FRMD8: variants seen among roughly 807,000 people sequenced by gnomAD.
FRMD8 encodes the protein FERM domain containing 8.
A neutral mutation model predicts 54.2 loss-of-function variants in FRMD8; 37 were observed. That is an observed-to-expected ratio of 0.68 (90% CI 0.53 to 0.90). FRMD8 has a LOEUF of 0.90. Ranked by LOEUF, FRMD8 falls within the 40% of genes least tolerant of loss-of-function variation. The pLI is 0.00. For synonymous variants in FRMD8, 246 were observed against 286.9 expected (o/e 0.86, Z 1.44); for missense variants, 585 against 653.7 (o/e 0.89, Z 1.15).
chr11:65,412,438 C>G lies in FRMD8; in HGVS notation c.*1078C>G, dbSNP rs1471562789. ...CCTGGGCCACACGGGACACTCTCTTCTTTATCGAGGACACTTGGAAAGGTG... is the reference window on the plus strand; with the variant it reads ...CCTGGGCCACACGGGACACTCTCTTGTTTATCGAGGACACTTGGAAAGGTG... On this transcript the variant is annotated 3_prime_UTR_variant, in exon 11 of 11. Coordinates refer to ENST00000317568, the MANE Select transcript of FRMD8 (RefSeq NM_031904.5). 4 of 152,300 alleles carry G rather than the reference C, an allele frequency of 2.6e-5. No homozygotes were observed. Among genetic ancestry groups the G allele is most frequent in the Non-Finnish European group, 5.9e-5 (4 of 68,094 alleles). 9.4% of individuals were successfully genotyped at this position (152,300 alleles called of 1,614,324 possible). A position where few individuals can be genotyped will look rare whatever the true frequency, so the allele number is the denominator to read the frequency against.
the FRMD8 span, chr11:65,379,771 T>C: frequency 2.6e-4 from 387 of 1,511,386 alleles, 2 homozygotes; most frequent in Non-Finnish European, 3.9e-5. Flanking sequence ...TCTTCTCTCC[T>C]CCAGGAGCAG....
At chr11:65,385,086 C>T (rs559988643), upstream of FRMD8, among the ~76,000 whole-genome samples, 368 of 152,304 alleles carry the variant, frequency 2.4e-3, 1 homozygote, top group Non-Finnish European at 4.1e-3. Flanking sequence ...CACGTCTCCC[C>T]TCAGTCTCCA....
At chr11:65,376,261 G>T in the FRMD8 span, 2 of 1,033,168 alleles carry the variant, frequency 1.9e-6, no homozygotes, top group East Asian at 5.2e-5. Context: ...TGTCTGCCCA[G>T]CCCAGATCTG....
chr11:65,405,251 T>C (rs1049414726), intron 10 of FRMD8, among the ~76,000 whole-genome samples, 183 bp downstream of exon 10: 2 of 152,244 alleles, frequency 1.3e-5, no homozygotes, highest in African/African-American at 4.8e-5. Flanking sequence ...TTCCTGTCCC[T>C]TCTCACTGCT....
chr11:65,377,251 T>C, the FRMD8 span: 2 of 1,428,834 alleles, frequency 1.4e-6, no homozygotes, highest in African/African-American at 2.9e-5. Flanking sequence ...GATGTCTGCA[T>C]GCGACCGGGA....
chr11:65,376,473 G>A, the FRMD8 span: 4 of 1,614,064 alleles, frequency 2.5e-6, no homozygotes, highest in East Asian at 2.2e-5. Context: ...GAAAGGCGCG[G>A]GCACTGTTGA....
Position 65,400,810 on chromosome 11 carries a change from C to T in FRMD8, c.1014C>T (p.Phe338=), listed in dbSNP as rs2073801. The change falls in exon 9 of 11, where the codon TTC becomes TTT. Residue 338 remains phenylalanine, a synonymous_variant. Transcript: ENST00000317568. This position sits in a 1 kb window ranked among gnomAD's most constrained non-coding sequence, Gnocchi z 4.3. ...AGGAGCCCATCTTGTGGCTGGAGTT[C>T]GACGGGGACAGCGAGGGCACACCTG... is the stretch of plus-strand genomic sequence containing the variant. ...EEEEPILWLE[F]DGDSEGTPVN... The T allele has an allele frequency of 0.12, 197,123 of 1,611,908 alleles. 14,821 individuals carry two copies. The highest frequency in any genetic ancestry group is 0.29 in the South Asian group (26,140 of 90,574).
the FRMD8 span, chr11:65,376,755 C>T: frequency 5.9e-5 from 95 of 1,613,938 alleles, no homozygotes; most frequent in African/African-American, 1.5e-4. Context: ...TTCCCCAGTC[C>T]CCGCTGGACC....
At chr11:65,389,245 CT>C (rs1855791573) in intron 2 of FRMD8, 115 bp from the exon 3 acceptor site, 1 of 984,476 alleles carries the variant, frequency 1.0e-6, no homozygotes, top group Non-Finnish European at 1.6e-6. Flanking sequence ...CTGGTCACCC[CT>C]GAGGGGTGTA....
the FRMD8 span, chr11:65,379,357 C>T: frequency 1.2e-6 from 2 of 1,604,616 alleles, no homozygotes; most frequent in South Asian, 1.1e-5. Flanking sequence ...CTGTGTGTGC[C>T]CACTCACTGC....
At position 65,400,796 on chromosome 11, in the gene FRMD8, T is replaced by C. The variant is rs751994246; in HGVS notation, c.1000T>C (p.Leu334=). The change falls in exon 9 of 11, where the codon TTG becomes CTG. Residue 334 remains leucine (L), a synonymous_variant. Transcript: ENST00000317568. The surrounding 1 kb of genome is among the most constrained non-coding windows in gnomAD (Gnocchi z 4.3). ...CTCCCCCGAGGAGGAGGAGCCCATC[T>C]TGTGGCTGGAGTTCGACGGGGACAG... ...HTSPEEEEPI[L]WLEFDGDSEG... is the part of the protein sequence containing the mutation. 2.5e-6 allele frequency: 4 copies of C among 1,612,966 alleles called. No individual in the cohort carries two copies. The South Asian group carries it at 3.3e-5, about 13-fold the overall frequency.
chr11:65,369,679 A>G, the FRMD8 span, among the ~76,000 whole-genome samples: 1 of 151,848 alleles, frequency 6.6e-6, no homozygotes, highest in South Asian at 2.1e-4. Context: ...ATGAGCCGAG[A>G]TCAAGCCACT....
chr11:65,379,806 T>C, the FRMD8 span: 1 of 1,588,982 alleles, frequency 6.3e-7, no homozygotes, highest in Non-Finnish European at 8.6e-7. Flanking sequence ...GGGAAGCTGG[T>C]ACCAACAGCC....
At chr11:65,393,782 G>A in intron 4 of FRMD8, 108 bp downstream of exon 4, 1 of 952,572 alleles carries the variant, frequency 1.0e-6, no homozygotes, top group Non-Finnish European at 1.6e-6. Context: ...TGGCTGAGGG[G>A]CAGGGCCTGC....
At chr11:65,406,655 C>T (rs532196317) in intron 10 of FRMD8, among the ~76,000 whole-genome samples, 4 of 151,486 alleles carry the variant, frequency 2.6e-5, no homozygotes, top group African/African-American at 9.7e-5. Context: ...AAAGGAATAC[C>T]CTGGCCGGGC....
At chr11:65,389,676 C>A in intron 3 of FRMD8, 148 bp downstream of exon 3, 1 of 800,994 alleles carries the variant, frequency 1.2e-6, no homozygotes, top group Non-Finnish European at 1.9e-6. Flanking sequence ...CTGAGCTGTC[C>A]ACCTGTCTGA....
the FRMD8 span, among the ~76,000 whole-genome samples, chr11:65,371,959 T>A: frequency 4.4e-3 from 670 of 152,132 alleles, 3 homozygotes; most frequent in African/African-American, 0.015. Flanking sequence ...TCACCTAGTC[T>A]GGAGTGCAGT....
chr11:65,380,015 G>A, the FRMD8 span: 1 of 1,593,416 alleles, frequency 6.3e-7, no homozygotes, highest in Non-Finnish European at 8.6e-7. Context: ...CCTCAAGCGG[G>A]ATGCCAACCA....
At chr11:65,379,960 G>C in the FRMD8 span, 1 of 1,614,090 alleles carries the variant, frequency 6.2e-7, no homozygotes, top group Non-Finnish European at 8.5e-7. Context: ...GACAGAGCAG[G>C]TAGGGTGGCG....
Sources: allele counts gnomAD v4.1 joint callset (sites outside exome capture counted in the v4.1 genomes callset), GRCh38; gene constraint gnomAD v4.1.1; non-coding constraint Gnocchi (gnomAD v3.1); transcripts MANE v1.5; gene names NCBI Gene and HGNC (gene_info 2026-07-23, HGNC 2026-07-21).